PDE1C: variants seen among roughly 807,000 people sequenced by gnomAD.
PDE1C encodes the protein dual specificity calcium/calmodulin-dependent 3',5'-cyclic nucleotide phosphodiesterase 1C.
PDE1C carries 62 observed loss-of-function variants against 93.1 expected under a neutral mutation model. The ratio of observed to expected loss-of-function variants is 0.67; its 90% CI spans 0.54 to 0.82. The LOEUF is 0.82. Ranked by LOEUF, PDE1C falls within the 40% of genes least tolerant of loss-of-function variation. The pLI, the probability that PDE1C is intolerant of heterozygous loss-of-function variation, is 0.00. For synonymous variants in PDE1C, 325 were observed against 310.1 expected (o/e 1.05, Z -0.50); for missense variants, 742 against 884.6 (o/e 0.84, Z 2.04).
At chr7:32,320,381 C>T (rs1285358106) in intron 1 of PDE1C, among the ~76,000 whole-genome samples, 1 of 151,964 alleles carries the variant, frequency 6.6e-6, no homozygotes, top group Non-Finnish European at 1.5e-5. Context: ...GGAGGGAGAG[C>T]ATCAGGAAGA....
At chr7:31,652,801 G>T in the PDE1C span, 193 of 1,613,354 alleles carry the variant, frequency 1.2e-4, no homozygotes, top group Non-Finnish European at 1.1e-4. Flanking sequence ...TGTCCTGTTG[G>T]AGAAAAGGAT....
chr7:31,737,195 C>A, the PDE1C span, among the ~76,000 whole-genome samples: 47 of 151,398 alleles, frequency 3.1e-4, no homozygotes, highest in East Asian at 1.9e-4. Context: ...AGCAAGCTGA[C>A]CTTGAACTCC....
chr7:31,625,543 A>G, the PDE1C span, among the ~76,000 whole-genome samples: 1 of 152,108 alleles, frequency 6.6e-6, no homozygotes, highest in South Asian at 2.1e-4. Flanking sequence ...GACACCACAT[A>G]TTCTCACTCA....
At chr7:31,837,350 T>C in intron 10 of PDE1C, 50 bp from the exon 11 acceptor site, 1 of 1,487,196 alleles carries the variant, frequency 6.7e-7, no homozygotes, top group Non-Finnish European at 9.0e-7. Flanking sequence ...CTTCAGAACC[T>C]CAGTAAGAGT....
intron 2 of PDE1C, among the ~76,000 whole-genome samples, chr7:31,987,603 C>A (rs1048912346): frequency 6.6e-6 from 1 of 152,220 alleles, no homozygotes; most frequent in Non-Finnish European, 1.5e-5. Context: ...AATGAAAGGC[C>A]AGGGTCTTGG....
At chr7:31,762,698 G>A (rs1010730852) in intron 17 of PDE1C, among the ~76,000 whole-genome samples, 1 of 152,118 alleles carries the variant, frequency 6.6e-6, no homozygotes, top group South Asian at 2.1e-4. Context: ...AAGAAAGTGA[G>A]AATGCTGAAT....
At chr7:32,048,850 A>G (rs536651721) in intron 2 of PDE1C, among the ~76,000 whole-genome samples, 8 of 152,332 alleles carry the variant, frequency 5.3e-5, no homozygotes, top group South Asian at 4.1e-4. Context: ...AATGACTTCA[A>G]TAAAGCTTGT....
intron 1 of PDE1C, among the ~76,000 whole-genome samples, chr7:32,284,847 C>T (rs1811895833): frequency 6.6e-6 from 1 of 152,090 alleles, no homozygotes; most frequent in African/African-American, 2.4e-5. Context: ...AACTGGCCAA[C>T]ATGGTGAAAC....
the PDE1C span, among the ~76,000 whole-genome samples, chr7:31,740,206 C>T: frequency 6.6e-6 from 1 of 152,162 alleles, no homozygotes; most frequent in Non-Finnish European, 1.5e-5. Flanking sequence ...GGGCTCTTTG[C>T]TGCTATTTAG....
In PDE1C at chr7:32,199,410, T is replaced by C. The variant is rs376579999; in HGVS notation, c.136+10079A>G. Among the ~76,000 whole-genome samples the C allele has an allele frequency of 6.6e-5, 10 of 152,330 alleles. No homozygotes were observed. In the South Asian group the frequency reaches 2.1e-3, roughly 32 times the overall value. ...TCTCTGGTCTTTCATTCTGAACTCC[T>C]ACTAAATGTGTGCTGGCCTTTCTCA... On this transcript the variant is annotated intron_variant, in intron 2 of 18. Coordinates refer to the PDE1C transcript ENST00000396193.
intron 1 of PDE1C, among the ~76,000 whole-genome samples, chr7:32,421,759 C>T (rs111672992): frequency 6.6e-6 from 1 of 152,096 alleles, no homozygotes; most frequent in South Asian, 2.1e-4. Context: ...AGCCATCTGC[C>T]CCATCTACCT....
At chr7:32,374,621 C>A in intron 1 of PDE1C, among the ~76,000 whole-genome samples, 1 of 152,218 alleles carries the variant, frequency 6.6e-6, no homozygotes, top group South Asian at 2.1e-4. Flanking sequence ...TCTTCCCACC[C>A]GAGGCCCTGG....
At chr7:32,031,376 TTAAG>T (rs1230613715) in intron 2 of PDE1C, among the ~76,000 whole-genome samples, 1 of 152,178 alleles carries the variant, frequency 6.6e-6, no homozygotes, top group Non-Finnish European at 1.5e-5. Flanking sequence ...CCCAGAAAGA[TTAAG>T]TAACTTGCTT....
At chr7:31,631,404 A>G in the PDE1C span, among the ~76,000 whole-genome samples, 6 of 152,364 alleles carry the variant, frequency 3.9e-5, no homozygotes, top group African/African-American at 1.4e-4. Context: ...AGACATATAA[A>G]TGTGCACAAA....
chr7:32,109,511 A>G (rs1264938799), intron 3 of PDE1C, among the ~76,000 whole-genome samples: 1 of 152,168 alleles, frequency 6.6e-6, no homozygotes, highest in African/African-American at 2.4e-5. Context: ...TGTCCTGTGC[A>G]TTGTAGGATG....
At chr7:32,367,634 T>C (rs369920291) in intron 1 of PDE1C, among the ~76,000 whole-genome samples, 3 of 152,158 alleles carry the variant, frequency 2.0e-5, no homozygotes, top group Non-Finnish European at 2.9e-5. Flanking sequence ...AGTGGGTGGA[T>C]TGCTTGTGCC....
chr7:32,207,259 G>A (rs1184133742), intron 2 of PDE1C, among the ~76,000 whole-genome samples: 1 of 151,382 alleles, frequency 6.6e-6, no homozygotes, highest in African/African-American at 2.4e-5. Context: ...GCCAATCCCC[G>A]TCGTGCCTGA....
intron 1 of PDE1C, among the ~76,000 whole-genome samples, chr7:32,426,817 G>C (rs1384644899): frequency 6.6e-6 from 1 of 152,182 alleles, no homozygotes; most frequent in Non-Finnish European, 1.5e-5. Flanking sequence ...TCATCTCTCA[G>C]TAAGTTAAAC....
chr7:32,313,057 G>GA (rs573705100), intron 1 of PDE1C, among the ~76,000 whole-genome samples: 15,104 of 151,656 alleles, frequency 0.1, 821 homozygotes, highest in African/African-American at 0.12. Flanking sequence ...AAATTTACAA[G>GA]AAAAAAACAA....
Sources: allele counts gnomAD v4.1 joint callset (sites outside exome capture counted in the v4.1 genomes callset), GRCh38; gene constraint gnomAD v4.1.1; transcripts MANE v1.5; gene names NCBI Gene and HGNC (gene_info 2026-07-23, HGNC 2026-07-21).